The following DTWD2 variants were observed in gnomAD, a reference collection of about 807,000 sequenced individuals.
DTWD2 encodes the protein tRNA-uridine aminocarboxypropyltransferase 2.
Under a neutral mutation model 31.8 loss-of-function variants are expected in DTWD2, and 39 were observed. The ratio of observed to expected loss-of-function variants is 1.22; its 90% CI spans 0.95 to 1.60. The LOEUF is 1.60. Among genes scored for constraint, DTWD2 ranks in the 40% most tolerant of loss-of-function variants. The pLI, the probability that DTWD2 is intolerant of heterozygous loss-of-function variation, is 0.00. For synonymous variants in DTWD2, 180 were observed against 142.8 expected (o/e 1.26, Z -1.86); for missense variants, 515 against 381.5 (o/e 1.35, Z -2.92).
At chr5:118,932,707 C>T (rs1054130209) in intron 3 of DTWD2, among the ~76,000 whole-genome samples, 3 of 152,236 alleles carry the variant, frequency 2.0e-5, no homozygotes, top group East Asian at 1.9e-4. Context: ...AGAGGGACAA[C>T]CATATGAACA....
rs1261510080 is a variant in DTWD2 at position 118,973,709 on chromosome 5, C to G, written c.218+14585G>C. 7.2e-6 allele frequency: 11 copies of G among 1,522,446 alleles called. No homozygotes were observed. The South Asian group carries it at 1.0e-4, about 14-fold the overall frequency. The allele number at this position is 1,522,446 out of a possible 1,614,324, so 94.3% of individuals were successfully genotyped here. On this transcript the variant is annotated intron_variant, in intron 1 of 5. Coordinates refer to ENST00000510708, the MANE Select transcript of DTWD2 (RefSeq NM_173666.4). ...CTCCGCCACGCGCCTCCTCCGCCGC[C>G]GCGGACTCCGGCAGCTTTATCGCCA...
chr5:118,978,063 T>C (rs1580453357), intron 1 of DTWD2, among the ~76,000 whole-genome samples: 1 of 150,672 alleles, frequency 6.6e-6, no homozygotes, highest in Non-Finnish European at 1.5e-5. Context: ...CCTACAACCA[T>C]CTGATCTTCC....
intron 4 of DTWD2, among the ~76,000 whole-genome samples, chr5:118,912,126 G>T (rs1219797642): frequency 6.6e-6 from 1 of 152,224 alleles, no homozygotes; most frequent in Non-Finnish European, 1.5e-5. Flanking sequence ...TAAGCTAGCA[G>T]AAGCCTGACT....
intron 1 of DTWD2, among the ~76,000 whole-genome samples, chr5:118,947,189 G>A (rs1175213462): frequency 4.6e-5 from 7 of 152,108 alleles, no homozygotes; most frequent in African/African-American, 9.7e-5. Flanking sequence ...GGGGCCCCCC[G>A]GCAGTGTCTA....
rs554649054 is a variant in DTWD2, at chr5:118,836,780, A to G, written c.*4137T>C. ...AAGACACAGCTAGAATGCACCATCT[A>G]TGAACCAGTGAGTGGGCCCCTCACC... On this transcript the variant is annotated 3_prime_UTR_variant, in exon 6 of 6. Transcript: ENST00000510708. Among the ~76,000 whole-genome samples the G allele has an allele frequency of 6.6e-6, 1 of 152,180 alleles. No homozygotes were observed. The highest frequency in any genetic ancestry group is 1.5e-5 in the Non-Finnish European group (1 of 68,028).
rs17144738 is a variant in DTWD2, at chr5:118,847,753, C to A, written c.726+337G>T. On this transcript the variant is annotated intron_variant, in intron 5 of 5. Transcript: ENST00000510708. ...ACCAAAAAGAAGAAAAGGCTGAGCA[C>A]AAGAGAACACAAAATACCAAAAAGA... 4.2e-3 allele frequency among the ~76,000 whole-genome samples: 642 copies of A among 151,638 alleles called. 8 individuals carry two copies. The highest frequency in any genetic ancestry group is 0.03 in the East Asian group (154 of 5,164).
intron 1 of DTWD2, among the ~76,000 whole-genome samples, chr5:118,982,711 C>T (rs1302031734): frequency 5.1e-5 from 6 of 116,588 alleles, no homozygotes; most frequent in East Asian, 5.0e-4. Context: ...TTTTTTGAGA[C>T]GGAGTTTCGC....
At chr5:118,876,935 T>C (rs1438870897) in intron 4 of DTWD2, among the ~76,000 whole-genome samples, 1 of 152,080 alleles carries the variant, frequency 6.6e-6, no homozygotes, top group Non-Finnish European at 1.5e-5. Context: ...AAAAGAAAAC[T>C]ACAGGCAACT....
chr5:118,935,611 A>G (rs1037625789), intron 3 of DTWD2, among the ~76,000 whole-genome samples: 3 of 152,184 alleles, frequency 2.0e-5, no homozygotes, highest in Non-Finnish European at 4.4e-5. Context: ...TGGTGTTGAC[A>G]CCACAGCAGA....
intron 4 of DTWD2, among the ~76,000 whole-genome samples, chr5:118,888,051 T>G (rs189355291): frequency 8.1e-6 from 1 of 123,398 alleles, no homozygotes; most frequent in East Asian, 2.4e-4. Context: ...TCTTTAGCTA[T>G]GACACACTTT....
intron 1 of DTWD2, among the ~76,000 whole-genome samples, chr5:118,950,681 G>C (rs905556218): frequency 6.6e-6 from 1 of 152,220 alleles, no homozygotes; most frequent in African/African-American, 2.4e-5. Flanking sequence ...GCAAGATCCT[G>C]GGGGAGGAGG....
chr5:118,845,293 T>C (rs908059330), intron 5 of DTWD2, among the ~76,000 whole-genome samples: 18 of 152,218 alleles, frequency 1.2e-4, no homozygotes, highest in African/African-American at 4.3e-4. Flanking sequence ...AAAAAGTGTA[T>C]GTCATCACTT....
chr5:118,922,218 T>C (rs904754348), intron 4 of DTWD2, among the ~76,000 whole-genome samples: 10 of 152,200 alleles, frequency 6.6e-5, no homozygotes, highest in Non-Finnish European at 2.9e-5. Flanking sequence ...GCCAAGTTAA[T>C]GGGTTTGCAT....
chr5:118,972,198 A>C (rs1015425104), intron 1 of DTWD2, among the ~76,000 whole-genome samples: 2 of 152,128 alleles, frequency 1.3e-5, no homozygotes, highest in Non-Finnish European at 2.9e-5. Flanking sequence ...GTTTTTGGAG[A>C]AAAAATAACA....
rs546051310 is a variant in DTWD2 at position 118,988,310 on chromosome 5, C to G, written c.202G>C (p.Glu68Gln). The change falls in exon 1 of 6, where the codon GAG (glutamate) becomes CAG (glutamine). Residue 68 changes from glutamate to glutamine, a missense_variant. Transcript: ENST00000510708. Reference protein sequence around the residue: ...LPVEPAERRPECTRCSRPQKV... With the variant: ...LPVEPAERRPQCTRCSRPQKV... ...CGCGGTCACCTGCAGCGGGTGCACT[C>G]AGGCCTCCGCTCGGCCGGCTCCACC... 2.6e-5 allele frequency: 40 copies of G among 1,524,494 alleles called. No homozygotes were observed. Among genetic ancestry groups the G allele is most frequent in the Non-Finnish European group, 3.2e-5 (37 of 1,140,514 alleles). The allele number at this position is 1,524,494 out of a possible 1,614,324, so 94.4% of individuals were successfully genotyped here.
chr5:118,925,701 C>T (rs1049121883), intron 4 of DTWD2, among the ~76,000 whole-genome samples: 5 of 151,766 alleles, frequency 3.3e-5, no homozygotes, highest in African/African-American at 4.8e-5. Context: ...AAAAATTAGC[C>T]GGGCGCAGTG....
At chr5:118,868,153 T>C (rs900017125) in intron 4 of DTWD2, among the ~76,000 whole-genome samples, 1 of 152,032 alleles carries the variant, frequency 6.6e-6, no homozygotes, top group Non-Finnish European at 1.5e-5. Context: ...ACAAGACCAT[T>C]CAATGGGAAA....
intron 4 of DTWD2, among the ~76,000 whole-genome samples, chr5:118,873,838 G>A (rs1423183381): frequency 6.6e-6 from 1 of 152,116 alleles, no homozygotes; most frequent in Non-Finnish European, 1.5e-5. Context: ...CATCTCAACT[G>A]CAACAGAGCA....
At chr5:118,987,074 C>T (rs1755444338) in intron 1 of DTWD2, among the ~76,000 whole-genome samples, 1 of 152,104 alleles carries the variant, frequency 6.6e-6, no homozygotes, top group Non-Finnish European at 1.5e-5. Context: ...AGACTAAAAA[C>T]TAAATAAAAC....
Sources: gnomAD v4.1 joint callset for allele counts (sites outside exome capture counted in the v4.1 genomes callset) on GRCh38, gnomAD v4.1.1 for gene constraint, MANE v1.5 for transcripts, NCBI Gene and HGNC (gene_info 2026-07-23, HGNC 2026-07-21) for gene names.